C1S: variants seen among roughly 807,000 people sequenced by gnomAD.
C1S encodes complement C1s.
In C1S, 31 loss-of-function variants were observed where a neutral mutation model predicts 54.0. That is an observed-to-expected ratio of 0.57 (90% CI 0.43 to 0.78). The LOEUF is 0.78. Among genes scored for constraint, C1S ranks in the 30% least tolerant of loss-of-function variants. The pLI, the probability that C1S is intolerant of heterozygous loss-of-function variation, is 0.00. For synonymous variants in C1S, 292 were observed against 303.6 expected, an observed-to-expected ratio of 0.96 and a Z score of 0.40; for missense variants, 727 against 851.8, an observed-to-expected ratio of 0.85 and a Z score of 1.82.
intron 6 of C1S, 155 bp downstream of exon 6, chr12:7,065,454 C>G (rs1555162027): frequency 1.4e-6 from 1 of 717,100 alleles, no homozygotes; most frequent in South Asian, 1.5e-5. Context: ...CTCTTGGGCT[C>G]AAGCAAGCGT....
rs782275336 is a variant in C1S at position 7,065,834 on chromosome 12, G to T, written c.735G>T (p.Arg245=). Residue 245 remains arginine (R), a synonymous_variant, in exon 7 of 12, where the codon CGG becomes CGT. Transcript: ENST00000360817. The part of the protein sequence containing the change: ...LDSLVFVAGD[R]QFGPYCGHGF... ...TTGTTCAGTTTGTTGCAGGAGATCG[G>T]CAATTTGGTCCTTACTGTGGTCATG... The T allele has an allele frequency of 6.2e-7, 1 of 1,612,700 alleles. No individual in the cohort carries two copies. Among genetic ancestry groups the T allele is most frequent in the South Asian group, 1.1e-5 (1 of 91,064 alleles).
intron 11 of C1S, 146 bp from the exon 12 acceptor site, chr12:7,069,709 T>C: frequency 1.3e-6 from 1 of 769,450 alleles, no homozygotes; most frequent in Non-Finnish European, 2.3e-6. Context: ...GGGTCAGGTA[T>C]TGAGATTGTT....
In C1S at chr12:7,069,995, C is replaced by T. The variant is rs2135729615; in HGVS notation, c.1411C>T (p.Leu471=). ...AGCGCTCATTAATGAGTACTGGGTGCTGACGGCTGCTCATGTTGTGGAGGG... is the reference window on the plus strand; with the variant it reads ...AGCGCTCATTAATGAGTACTGGGTGTTGACGGCTGCTCATGTTGTGGAGGG... ...GGALINEYWV[L]TAAHVVEGNR... is the part of the protein sequence containing the mutation. Residue 471 remains leucine, a synonymous_variant, in exon 12 of 12, where the codon CTG becomes TTG. Transcript: ENST00000360817. 14 of 1,614,206 alleles carry T rather than the reference C, an allele frequency of 8.7e-6. No individual in the cohort carries two copies. The highest frequency in any genetic ancestry group is 1.2e-5 in the Non-Finnish European group (14 of 1,180,032).
chr12:7,065,306 GAT>G lies in C1S; in HGVS notation c.717+8_717+9del. The G allele has an allele frequency of 1.2e-6, 2 of 1,606,990 alleles. No homozygotes were observed. The highest frequency in any genetic ancestry group is 1.7e-6 in the Non-Finnish European group (2 of 1,173,458). On this transcript the variant is annotated splice_region_variant and intron_variant, in intron 6 of 11. Coordinates refer to ENST00000360817, the MANE Select transcript of C1S (RefSeq NM_001734.5). ...CTGCCTTGACAGTTTAGTTGTGCGT[GAT>G]GGTTGATTAATACCCCACCCTTAAC... is the stretch of plus-strand genomic sequence containing the variant.
At chr12:7,063,363 G>T (rs782651896) in intron 4 of C1S, 1 of 498,700 alleles carries the variant, frequency 2.0e-6, no homozygotes. Flanking sequence ...TAACACAATC[G>T]TCACTTTAAT....
rs781924891 is a variant in C1S at position 7,062,414 on chromosome 12, G to A, written c.6-61G>A. 3.3e-5 allele frequency: 40 copies of A among 1,229,126 alleles called. 1 individual carries two copies. The Middle Eastern group carries it at 1.3e-3, about 41-fold the overall frequency. The allele number at this position is 1,229,126 out of a possible 1,614,324, so 76.1% of individuals were successfully genotyped here. ...CTTTCTTCTGCCTCTGGCAAATAGC[G>A]CGTTCTGTCCTAGGCTACTGGTGCC... On this transcript the variant is annotated intron_variant, in intron 2 of 11. Transcript: ENST00000360817.
At position 7,070,837 on chromosome 12, in the gene C1S, T is replaced by A. The variant is rs1396700036; in HGVS notation, c.*186T>A. The stretch of plus-strand genomic sequence containing the variant: ...TCATAGAATTGTGCTGGTCATACAT[T>A]TGTGGTCTGACTCCTTGGGGTCCTT... On this transcript the variant is annotated 3_prime_UTR_variant, in exon 12 of 12. Transcript: ENST00000360817. The surrounding 1 kb of genome is among the most constrained non-coding windows in gnomAD (Gnocchi z 4.9). The A allele has an allele frequency of 1.4e-5, 9 of 644,560 alleles. No homozygotes were observed. The highest frequency in any genetic ancestry group is 2.4e-5 in the Admixed American group (1 of 42,184). 39.9% of individuals were successfully genotyped at this position (644,560 alleles called of 1,614,324 possible).
chr12:7,065,221 AGTG>A lies in C1S; in HGVS notation c.646_648del (p.Val216del). ...AGATCCGGTTGGAGAAAGGGTTCCAAGTGGTGGTGACCTTGCGGAGAGAAGATT... is the reference window on the plus strand; with the variant it reads ...AGATCCGGTTGGAGAAAGGGTTCCAAGTGGTGACCTTGCGGAGAGAAGATT... On this transcript the variant is annotated inframe_deletion, in exon 6 of 12. Coordinates refer to ENST00000360817, the MANE Select transcript of C1S (RefSeq NM_001734.5). 1 of 1,614,144 alleles carries A rather than the reference AGTG, an allele frequency of 6.2e-7. No individual in the cohort carries two copies. The highest frequency in any genetic ancestry group is 8.5e-7 in the Non-Finnish European group (1 of 1,179,986).
chr12:7,062,772 C>A, intron 3 of C1S, 90 bp downstream of exon 3: 5 of 1,476,288 alleles, frequency 3.4e-6, no homozygotes, highest in Non-Finnish European at 4.7e-6. Context: ...CCTGTACTCA[C>A]AGTGAACTGG....
chr12:7,070,458 T>C lies in C1S; in HGVS notation c.1874T>C (p.Met625Thr), dbSNP rs2135730777. The C allele has an allele frequency of 6.8e-6, 11 of 1,614,200 alleles. No homozygotes were observed. Among genetic ancestry groups the C allele is most frequent in the Non-Finnish European group, 9.3e-6 (11 of 1,180,036 alleles). Residue 625 changes from methionine (M) to threonine (T), a missense_variant, in exon 12 of 12, where the codon ATG becomes ACG. By Grantham distance (81) the Met-to-Thr change is moderately conservative (BLOSUM62 -1). Transcript: ENST00000360817. The surrounding 1 kb of genome is among the most constrained non-coding windows in gnomAD (Gnocchi z 4.9). ...ATCTGTGCTGGAGGAGAGAAGGGCATGGATAGCTGTAAAGGGGACAGTGGT... is the reference window on the plus strand; with the variant it reads ...ATCTGTGCTGGAGGAGAGAAGGGCACGGATAGCTGTAAAGGGGACAGTGGT... Reference protein sequence around the residue: ...NMICAGGEKGMDSCKGDSGGA... With the variant: ...NMICAGGEKGTDSCKGDSGGA...
chr12:7,062,017 C>T (rs1249797643), intron 2 of C1S, 100 bp downstream of exon 2: 22 of 1,214,748 alleles, frequency 1.8e-5, no homozygotes, highest in Non-Finnish European at 2.7e-5. Flanking sequence ...CACCTGTAAC[C>T]CCAGCACTTT....
chr12:7,063,756 A>T (rs1342803433), intron 4 of C1S, among the ~76,000 whole-genome samples: 1 of 152,106 alleles, frequency 6.6e-6, no homozygotes, highest in Non-Finnish European at 1.5e-5. Flanking sequence ...CGGGCATGGT[A>T]GCTCACACCT....
At position 7,062,905 on chromosome 12, in the gene C1S, A is replaced by G; in HGVS notation, c.229A>G (p.Thr77Ala). ...YDSVQIISGD[T>A]EEGRLCGQRS... ...CTTCTCTTAGATAATCTCAGGAGAC[A>G]CTGAAGAAGGGAGGCTCTGTGGACA... Residue 77 changes from threonine to alanine, a missense_variant, in exon 4 of 12, where the codon ACT (threonine) becomes GCT (alanine). Thr to Ala is a moderately conservative substitution (Grantham distance 58). This residue lies in a region of C1S where 357 missense variants were observed against 365.4 expected (regional missense o/e 0.98). Coordinates refer to ENST00000360817, the MANE Select transcript of C1S (RefSeq NM_001734.5). 1 of 1,614,018 alleles carries G rather than the reference A, an allele frequency of 6.2e-7. No homozygotes were observed. Among genetic ancestry groups the G allele is most frequent in the Non-Finnish European group, 8.5e-7 (1 of 1,179,982 alleles).
In C1S at chr12:7,061,853, A is replaced by G. The variant is rs1555161309; in HGVS notation, c.-60A>G. 1 of 1,607,950 alleles carries G rather than the reference A, an allele frequency of 6.2e-7. No homozygotes were observed. Among genetic ancestry groups the G allele is most frequent in the Non-Finnish European group, 8.5e-7 (1 of 1,174,454 alleles). ...CCACCCCTTAGGCTCCAAAGTCCGGAGGTGCAGAAAGCCAGGACCAAGAGA... is the reference window on the plus strand; with the variant it reads ...CCACCCCTTAGGCTCCAAAGTCCGGGGGTGCAGAAAGCCAGGACCAAGAGA... On this transcript the variant is annotated 5_prime_UTR_variant, in exon 2 of 12. Transcript: ENST00000360817.
rs2135729412 is a variant in C1S at position 7,069,915 on chromosome 12, C to T, written c.1331C>T (p.Ala444Val). 1 of 1,614,116 alleles carries T rather than the reference C, an allele frequency of 6.2e-7. No individual in the cohort carries two copies. The change falls in exon 12 of 12, where the codon GCA (alanine) becomes GTA (valine). Residue 444 changes from alanine (A) to valine (V), a missense_variant. Physicochemically the swap from Ala to Val is moderately conservative, Grantham distance 64. Coordinates refer to ENST00000360817, the MANE Select transcript of C1S (RefSeq NM_001734.5). ...CAGAGGATAATTGGAGGATCCGATG[C>T]AGATATTAAAAACTTCCCCTGGCAA... ...EKQRIIGGSD[A>V]DIKNFPWQVF...
rs782217397 is a variant in C1S at position 7,070,345 on chromosome 12, A to T, written c.1761A>T (p.Leu587Phe). The change falls in exon 12 of 12, where the codon TTA (leucine) becomes TTT (phenylalanine). Residue 587 changes from leucine to phenylalanine, a missense_variant. Coordinates refer to ENST00000360817, the MANE Select transcript of C1S (RefSeq NM_001734.5). This position sits in a 1 kb window ranked among gnomAD's most constrained non-coding sequence, Gnocchi z 4.9. ...CTGTTCGCCTCAAGGCGGCAAGGTT[A>T]CCTGTAGCTCCTTTAAGAAAATGCA... ...DRAVRLKAAR[L>F]PVAPLRKCKE... 4.3e-6 allele frequency: 7 copies of T among 1,614,158 alleles called. No individual in the cohort carries two copies. In the Admixed American group the frequency reaches 1.2e-4, roughly 27 times the overall value.
chr12:7,064,980 G>T, intron 5 of C1S, 120 bp from the exon 6 acceptor site: 1 of 815,938 alleles, frequency 1.2e-6, no homozygotes, highest in East Asian at 2.6e-5. Context: ...TTAGGGCAGG[G>T]ATCTCAGGTT....
Position 7,070,719 on chromosome 12 carries a change from TTCTCATTA to T in C1S, c.*70_*77del. On this transcript the variant is annotated 3_prime_UTR_variant, in exon 12 of 12. Transcript: ENST00000360817. This position sits in a 1 kb window ranked among gnomAD's most constrained non-coding sequence, Gnocchi z 4.9. Reference sequence around the variant, plus strand: ...GCATTACCTTCTGTTCCTTATGATATTCTCATTATTTCATCATGACTGAAAGAAGACAC... The same window carrying T: ...GCATTACCTTCTGTTCCTTATGATATTTTCATCATGACTGAAAGAAGACAC... 3.3e-6 allele frequency: 4 copies of T among 1,208,406 alleles called. No homozygotes were observed. The highest frequency in any genetic ancestry group is 2.6e-4 in the Middle Eastern group (1 of 3,802). 74.9% of individuals were successfully genotyped at this position (1,208,406 alleles called of 1,614,324 possible).
intron 9 of C1S, 74 bp downstream of exon 9, chr12:7,067,191 A>G: frequency 9.4e-7 from 1 of 1,062,226 alleles, no homozygotes; most frequent in Non-Finnish European, 1.5e-6. Context: ...ATCAAAATTC[A>G]AATGCATGGT....
Sources: allele counts gnomAD v4.1 joint callset (sites outside exome capture counted in the v4.1 genomes callset), GRCh38; gene constraint gnomAD v4.1.1; regional missense constraint gnomAD v4.1.1; non-coding constraint Gnocchi (gnomAD v3.1); transcripts MANE v1.5; gene names NCBI Gene and HGNC (gene_info 2026-07-23, HGNC 2026-07-21).